The following DYRK4 variants were observed in gnomAD, a reference collection of about 807,000 sequenced individuals.
DYRK4 encodes the protein dual specificity tyrosine phosphorylation regulated kinase 4.
DYRK4 carries 64 observed loss-of-function variants against 68.3 expected under a neutral mutation model. That is an observed-to-expected ratio of 0.94 (90% CI 0.77 to 1.15). The LOEUF is 1.15. Among genes scored for constraint, DYRK4 ranks in the 50% most tolerant of loss-of-function variants. The probability of loss-of-function intolerance (pLI) is 0.00; values close to 1 mark genes in which losing one functional copy is unlikely to be tolerated. For missense variants in DYRK4, 740 were observed against 764.7 expected, an observed-to-expected ratio of 0.97 and a Z score of 0.38; for synonymous variants, 274 against 289.9, an observed-to-expected ratio of 0.95 and a Z score of 0.56.
chr12:4,605,035 C>T lies in DYRK4; in HGVS notation c.1248C>T (p.Tyr416=). Residue 416 remains tyrosine, a synonymous_variant, in exon 11 of 15, where the codon TAC becomes TAT. Transcript: ENST00000543431. ...TCACGGCGGAGTTGTACACGGGCTA[C>T]CCCCTGTTCCCCGGGGAGAATGAGG... ...GCITAELYTG[Y]PLFPGENEVE... 1.9e-6 allele frequency: 3 copies of T among 1,614,012 alleles called. No individual in the cohort carries two copies. The highest frequency in any genetic ancestry group is 1.1e-5 in the South Asian group (1 of 91,072).
At chr12:4,602,606 A>C in intron 10 of DYRK4, 4 of 1,337,828 alleles carry the variant, frequency 3.0e-6, no homozygotes, top group Non-Finnish European at 3.2e-6. Flanking sequence ...TTTGCTGCAG[A>C]ATCTTCTTTC....
intron 2 of DYRK4, among the ~76,000 whole-genome samples, chr12:4,574,224 TAA>T (rs58588899): frequency 0.12 from 14,761 of 121,234 alleles, 1,922 homozygotes; most frequent in African/African-American, 0.35. Context: ...GACTCCATCT[TAA>T]AAAAAAAAAA....
chr12:4,607,209 C>T, intron 11 of DYRK4, 118 bp from the exon 12 acceptor site: 5 of 1,144,456 alleles, frequency 4.4e-6, no homozygotes, highest in Non-Finnish European at 5.1e-6. Context: ...GATGTTATTA[C>T]TTAATGCTTT....
chr12:4,573,532 T>A (rs1944753779), intron 2 of DYRK4, among the ~76,000 whole-genome samples: 1 of 152,222 alleles, frequency 6.6e-6, no homozygotes, highest in Non-Finnish European at 1.5e-5. Flanking sequence ...CAATAGTCAC[T>A]TCTATTGAAA....
At chr12:4,602,094 T>G in intron 10 of DYRK4, 1 of 478,082 alleles carries the variant, frequency 2.1e-6, no homozygotes, top group South Asian at 2.2e-5. Flanking sequence ...TTGAACCACT[T>G]TTCTACTTCT....
intron 8 of DYRK4, 119 bp downstream of exon 8, chr12:4,596,848 A>G (rs1008415757): frequency 3.6e-5 from 55 of 1,542,642 alleles, no homozygotes; most frequent in Non-Finnish European, 3.4e-5. Context: ...AATGGACATG[A>G]CAGTCACTCA....
chr12:4,575,015 C>T lies in DYRK4; in HGVS notation c.132+6967C>T, dbSNP rs139094937. Among the ~76,000 whole-genome samples the T allele has an allele frequency of 7.2e-3, 1,103 of 152,240 alleles. 15 individuals are homozygous for T. Among genetic ancestry groups the T allele is most frequent in the African/African-American group, 0.025 (1,028 of 41,538 alleles). On this transcript the variant is annotated intron_variant, in intron 2 of 14. Coordinates refer to ENST00000543431, the MANE Select transcript of DYRK4 (RefSeq NM_001394779.1). ...GATCATAGGCGTGAGCCAATGTGCCCGGCCATGTTTGCTATTGAAAATGAT... is the reference window on the plus strand; with the variant it reads ...GATCATAGGCGTGAGCCAATGTGCCTGGCCATGTTTGCTATTGAAAATGAT...
At chr12:4,564,885 A>AT (rs1389573574) in intron 1 of DYRK4, among the ~76,000 whole-genome samples, 6 of 152,346 alleles carry the variant, frequency 3.9e-5, no homozygotes, top group Admixed American at 3.9e-4. Context: ...TGAGACAAAA[A>AT]ATATATGCAC....
chr12:4,582,673 G>A (rs919121260), intron 2 of DYRK4, among the ~76,000 whole-genome samples: 1 of 152,150 alleles, frequency 6.6e-6, no homozygotes, highest in South Asian at 2.1e-4. Context: ...GCGGGTGAAC[G>A]ATGGGGACAT....
chr12:4,595,126 C>T (rs936081457), intron 6 of DYRK4, among the ~76,000 whole-genome samples: 1 of 151,916 alleles, frequency 6.6e-6, no homozygotes, highest in Non-Finnish European at 1.5e-5. Flanking sequence ...TGGATCCTGT[C>T]CCTGTCCTTT....
intron 1 of DYRK4, among the ~76,000 whole-genome samples, chr12:4,562,581 A>G (rs1286951409): frequency 6.6e-6 from 1 of 152,176 alleles, no homozygotes; most frequent in Non-Finnish European, 1.5e-5. Context: ...GTTCTGAGGA[A>G]CTCAGCAGAC....
rs1230303349 is a variant in DYRK4, at chr12:4,562,273, A to G, written c.28A>G (p.Thr10Ala). MQLLPPPIR[T>A]GTKTQMDAKK... Reference sequence around the variant, plus strand: ...GCAGCTCCTCCCGCCGCCTATCCGCACCGGAACAAAGTAAGGGCCGCGGAG... The same window carrying G: ...GCAGCTCCTCCCGCCGCCTATCCGCGCCGGAACAAAGTAAGGGCCGCGGAG... The change falls in exon 1 of 15, where the codon ACC (threonine) becomes GCC (alanine). Residue 10 changes from threonine (T) to alanine (A), a missense_variant. Thr to Ala is a moderately conservative substitution (Grantham distance 58). Around this residue, in one of 3 missense-constraint regions of DYRK4, gnomAD observed 70 missense variants for 71.1 expected, o/e 0.98. Transcript: ENST00000543431. 6.5e-7 allele frequency: 1 copy of G among 1,532,136 alleles called. No individual in the cohort carries two copies. The highest frequency in any genetic ancestry group is 1.2e-5 in the South Asian group (1 of 83,570). 94.9% of individuals were successfully genotyped at this position (1,532,136 alleles called of 1,614,324 possible).
intron 2 of DYRK4, among the ~76,000 whole-genome samples, chr12:4,577,366 G>A (rs1029301603): frequency 2.0e-5 from 3 of 152,044 alleles, no homozygotes; most frequent in African/African-American, 4.8e-5. Flanking sequence ...CACCATGCTG[G>A]GCTTAGTACT....
At chr12:4,579,700 AT>A (rs1393557147) in intron 2 of DYRK4, among the ~76,000 whole-genome samples, 2 of 152,320 alleles carry the variant, frequency 1.3e-5, no homozygotes, top group Admixed American at 6.5e-5. Flanking sequence ...TGATGCATAA[AT>A]CCACTTTATA....
At chr12:4,584,572 T>C (rs1591793488) in intron 2 of DYRK4, among the ~76,000 whole-genome samples, 2 of 148,610 alleles carry the variant, frequency 1.3e-5, no homozygotes, top group South Asian at 2.2e-4. Flanking sequence ...TTTTTTTTTT[T>C]TGAGGCAGAG....
Position 4,593,180 on chromosome 12 carries a change from G to T in DYRK4, c.627+15G>T. 7 of 1,612,122 alleles carry T rather than the reference G, an allele frequency of 4.3e-6. No homozygotes were observed. Among genetic ancestry groups the T allele is most frequent in the Middle Eastern group, 1.9e-4 (1 of 5,372 alleles). On this transcript the variant is annotated intron_variant, in intron 6 of 14. Coordinates refer to ENST00000543431, the MANE Select transcript of DYRK4 (RefSeq NM_001394779.1). ...TCTATCTGAAGGTGATGGGGGTGGG[G>T]GCCATGGGAACCTGCAGGGGCCCAG...
chr12:4,572,437 A>T (rs149391901), intron 2 of DYRK4, among the ~76,000 whole-genome samples: 1 of 151,692 alleles, frequency 6.6e-6, no homozygotes, highest in East Asian at 1.9e-4. Flanking sequence ...GCCCGCCACC[A>T]CACCTGGCTA....
rs138824969 is a variant in DYRK4, at chr12:4,591,975, G to A, written c.463+677G>A. On this transcript the variant is annotated intron_variant, in intron 5 of 14. Coordinates refer to ENST00000543431, the MANE Select transcript of DYRK4 (RefSeq NM_001394779.1). This position sits in a 1 kb window ranked among gnomAD's most constrained non-coding sequence, Gnocchi z 4.1. ...TTTGGCCAGTAGCTAGACTTTTAAT[G>A]GGATTCAGAGACTCATAACCTATTA... Among the ~76,000 whole-genome samples, 9 of 152,242 alleles carry A rather than the reference G, an allele frequency of 5.9e-5. No homozygotes were observed. The highest frequency in any genetic ancestry group is 9.6e-5 in the African/African-American group (4 of 41,542).
At chr12:4,568,132 C>T in intron 2 of DYRK4, 84 bp downstream of exon 2, 1 of 1,265,374 alleles carries the variant, frequency 7.9e-7, no homozygotes, top group South Asian at 1.3e-5. Context: ...GATGGTTGTG[C>T]CCCAAGCACC....
Sources: allele counts gnomAD v4.1 joint callset (sites outside exome capture counted in the v4.1 genomes callset), GRCh38; gene constraint gnomAD v4.1.1; regional missense constraint gnomAD v4.1.1; non-coding constraint Gnocchi (gnomAD v3.1); transcripts MANE v1.5; gene names NCBI Gene and HGNC (gene_info 2026-07-23, HGNC 2026-07-21).